Variants in GALNT2 observed in about 807,000 individuals in gnomAD.
The protein encoded by GALNT2 is UDP-GalNAc:polypeptide N-acetylgalactosaminyltransferase 2.
In GALNT2, 31 loss-of-function variants were observed where a neutral mutation model predicts 81.4. The ratio of observed to expected loss-of-function variants is 0.38; its 90% CI spans 0.29 to 0.51. The LOEUF (loss-of-function observed/expected upper bound fraction) is 0.51, where lower values mean the gene tolerates loss of function less well. Ranked by LOEUF, GALNT2 falls within the 20% of genes least tolerant of loss-of-function variation. The probability of loss-of-function intolerance (pLI) is 0.87; values close to 1 mark genes in which losing one functional copy is unlikely to be tolerated. For synonymous variants in GALNT2, 303 were observed against 287.4 expected (o/e 1.05, Z -0.55); for missense variants, 629 against 765.7 (o/e 0.82, Z 2.11).
Position 230,148,573 on chromosome 1 carries a change from G to C in GALNT2, c.127-29645G>C, listed in dbSNP as rs1661995541. Among the ~76,000 whole-genome samples, 10 of 152,172 alleles carry C rather than the reference G, an allele frequency of 6.6e-5. 1 individual carries two copies. In the South Asian group the frequency reaches 2.1e-3, roughly 32 times the overall value. Reference sequence around the variant, plus strand: ...TGGGTCAGCCTTTTCAAGGGGTTTTGTTTTCTTTTTTTTTCTTTCTTTCTA... The same window carrying C: ...TGGGTCAGCCTTTTCAAGGGGTTTTCTTTTCTTTTTTTTTCTTTCTTTCTA... On this transcript the variant is annotated intron_variant, in intron 1 of 15. Transcript: ENST00000366672.
At chr1:230,064,249 TCTC>T (rs927657582), upstream of GALNT2, among the ~76,000 whole-genome samples, 5 of 152,210 alleles carry the variant, frequency 3.3e-5, no homozygotes, top group East Asian at 5.8e-4. Flanking sequence ...CTCTTCCCCT[TCTC>T]CTCCAGTTGT....
chr1:230,218,891 A>C (rs1289596284), intron 3 of GALNT2, among the ~76,000 whole-genome samples: 1 of 152,234 alleles, frequency 6.6e-6, no homozygotes, highest in African/African-American at 2.4e-5. Context: ...AGCAAACATT[A>C]CCGCCTGAGC....
intron 8 of GALNT2, among the ~76,000 whole-genome samples, chr1:230,248,139 A>G (rs16851202): frequency 0.044 from 6,733 of 152,312 alleles, 194 homozygotes; most frequent in Non-Finnish European, 0.065. Context: ...GTCCAGAGCC[A>G]TAAATTCTTG....
chr1:230,266,150 C>G (rs1666031793), intron 14 of GALNT2, among the ~76,000 whole-genome samples: 1 of 152,178 alleles, frequency 6.6e-6, no homozygotes, highest in Admixed American at 6.5e-5. Context: ...GCTGAGATCA[C>G]ACCATTGCAT....
In GALNT2 at chr1:230,193,080, G is replaced by A. The variant is rs1663580164; in HGVS notation, c.221-10057G>A. Among the ~76,000 whole-genome samples the A allele has an allele frequency of 6.6e-6, 1 of 152,172 alleles. No individual in the cohort carries two copies. The highest frequency in any genetic ancestry group is 2.4e-5 in the African/African-American group (1 of 41,422). On this transcript the variant is annotated intron_variant, in intron 2 of 15. Transcript: ENST00000366672. The surrounding 1 kb of genome is among the most constrained non-coding windows in gnomAD (Gnocchi z 4.3). ...AATTTGAGATCAACCAAATAAATCT[G>A]AGAGCCTTGTCCTTTGATATTAAAT...
chr1:230,212,117 C>T (rs1664251826), intron 3 of GALNT2, among the ~76,000 whole-genome samples: 1 of 152,160 alleles, frequency 6.6e-6, no homozygotes, highest in Non-Finnish European at 1.5e-5. Flanking sequence ...TATCACTTGT[C>T]TATGAGGCAG....
chr1:230,198,738 G>T (rs532880519), intron 2 of GALNT2, among the ~76,000 whole-genome samples: 8 of 152,300 alleles, frequency 5.3e-5, no homozygotes, highest in Non-Finnish European at 7.3e-5. Flanking sequence ...TGAATCAGGG[G>T]TTTCAAGGCT....
chr1:230,261,493 C>A (rs1225893255), intron 11 of GALNT2, among the ~76,000 whole-genome samples: 1 of 152,164 alleles, frequency 6.6e-6, no homozygotes, highest in Non-Finnish European at 1.5e-5. Context: ...AAGTGGGAGT[C>A]CACCTTATAG....
intron 1 of GALNT2, among the ~76,000 whole-genome samples, chr1:230,177,521 G>T (rs758631344): frequency 1.8e-4 from 28 of 152,226 alleles, no homozygotes; most frequent in Admixed American, 6.5e-5. Flanking sequence ...CTCTGTGGTC[G>T]TGCAGTTGTT....
At chr1:230,067,538 C>T (rs1192126684) in intron 1 of GALNT2, 132 bp downstream of exon 1, 6 of 296,454 alleles carry the variant, frequency 2.0e-5, no homozygotes, top group Non-Finnish European at 2.9e-5. Context: ...GCCCTCGTCC[C>T]GGGCCTCCGC....
chr1:230,128,091 G>A (rs566477613), intron 1 of GALNT2, among the ~76,000 whole-genome samples: 3 of 152,150 alleles, frequency 2.0e-5, no homozygotes, highest in Non-Finnish European at 4.4e-5. Context: ...CTGCAGGAAG[G>A]GTGTCTGAAT....
intron 1 of GALNT2, among the ~76,000 whole-genome samples, chr1:230,082,202 A>G (rs1028482222): frequency 1.3e-5 from 2 of 152,202 alleles, no homozygotes; most frequent in African/African-American, 2.4e-5. Flanking sequence ...GTTGCCTTCA[A>G]TCTGGGAAGG....
At chr1:230,068,824 G>A (rs565421609) in intron 1 of GALNT2, among the ~76,000 whole-genome samples, 14 of 152,246 alleles carry the variant, frequency 9.2e-5, no homozygotes, top group South Asian at 6.2e-4. Context: ...TACTCTTAGC[G>A]TTGTTTTTGT....
At chr1:230,229,283 T>C (rs1401366494) in intron 3 of GALNT2, among the ~76,000 whole-genome samples, 1 of 152,078 alleles carries the variant, frequency 6.6e-6, no homozygotes, top group Admixed American at 6.5e-5. Context: ...ACAAAGAACA[T>C]GAATAAACAG....
chr1:230,278,588 C>T (rs1430758611), intron 15 of GALNT2, among the ~76,000 whole-genome samples: 1 of 152,162 alleles, frequency 6.6e-6, no homozygotes, highest in Admixed American at 6.5e-5. Flanking sequence ...GTACCCTGTA[C>T]TTTACAAGCG....
chr1:230,175,648 C>T (rs1456771379), intron 1 of GALNT2, among the ~76,000 whole-genome samples: 1 of 142,308 alleles, frequency 7.0e-6, no homozygotes, highest in African/African-American at 2.6e-5. Context: ...TTCCCTCTCC[C>T]CCTCCTCCTC....
intron 1 of GALNT2, among the ~76,000 whole-genome samples, chr1:230,109,790 A>G (rs945882798): frequency 2.6e-5 from 4 of 151,592 alleles, no homozygotes; most frequent in African/African-American, 9.7e-5. Flanking sequence ...AGATCACGCC[A>G]TTGCCCTCCA....
At chr1:230,125,875 A>G (rs1191092884) in intron 1 of GALNT2, among the ~76,000 whole-genome samples, 1 of 152,240 alleles carries the variant, frequency 6.6e-6, no homozygotes, top group Non-Finnish European at 1.5e-5. Flanking sequence ...AGAAAGGATT[A>G]TTGGCAGAGT....
In GALNT2 at chr1:230,179,184, A is replaced by C. The variant is rs12037200; in HGVS notation, c.220+873A>C. On this transcript the variant is annotated intron_variant, in intron 2 of 15. Transcript: ENST00000366672. ...TAACATTCCATTGTCTGGGTGTATT[A>C]GTTTGTTTATTCACCTAGTGAAGGA... 1.6e-3 allele frequency among the ~76,000 whole-genome samples: 237 copies of C among 151,928 alleles called. 1 individual carries two copies. Among genetic ancestry groups the C allele is most frequent in the Admixed American group, 6.0e-3 (91 of 15,258 alleles).
Sources: allele counts gnomAD v4.1 joint callset (sites outside exome capture counted in the v4.1 genomes callset), GRCh38; gene constraint gnomAD v4.1.1; non-coding constraint Gnocchi (gnomAD v3.1); transcripts MANE v1.5; gene names NCBI Gene and HGNC (gene_info 2026-07-23, HGNC 2026-07-21).